SUGCT: variants seen among roughly 807,000 people sequenced by gnomAD.
SUGCT encodes the protein succinyl-CoA:glutarate CoA-transferase.
Under a neutral mutation model 55.0 loss-of-function variants are expected in SUGCT, and 41 were observed. That is an observed-to-expected ratio of 0.74 (90% CI 0.58 to 0.97). SUGCT has a LOEUF of 0.97. SUGCT is among the 50% of genes least tolerant of loss of function. The pLI is 0.00. For missense variants in SUGCT, 568 were observed against 547.8 expected (o/e 1.04, Z -0.37); for synonymous variants, 187 against 200.4 (o/e 0.93, Z 0.56).
chr7:40,974,213 A>G, the SUGCT span, among the ~76,000 whole-genome samples: 2 of 152,198 alleles, frequency 1.3e-5, no homozygotes, highest in African/African-American at 4.8e-5. Flanking sequence ...CCTTTGAGTG[A>G]CATCTGCCCT....
intron 12 of SUGCT, among the ~76,000 whole-genome samples, chr7:40,704,919 C>A (rs1785328420): frequency 6.6e-6 from 1 of 152,122 alleles, no homozygotes; most frequent in South Asian, 2.1e-4. Flanking sequence ...TGGTTTTTGG[C>A]CAAGCTGTCT....
intron 12 of SUGCT, among the ~76,000 whole-genome samples, chr7:40,520,059 A>G (rs1011852972): frequency 7.2e-5 from 11 of 152,104 alleles, no homozygotes; most frequent in African/African-American, 2.2e-4. Context: ...TCAAAGTTTG[A>G]AAGACTATGG....
chr7:40,533,752 G>A (rs140131472), intron 12 of SUGCT, among the ~76,000 whole-genome samples: 211 of 152,164 alleles, frequency 1.4e-3, no homozygotes, highest in African/African-American at 4.6e-3. Context: ...AACATCTAGT[G>A]TTTTAATAAC....
intron 13 of SUGCT, among the ~76,000 whole-genome samples, chr7:40,757,515 T>C (rs1788318155): frequency 6.6e-6 from 1 of 152,204 alleles, no homozygotes; most frequent in South Asian, 2.1e-4. Context: ...AAACTCTTAT[T>C]GCAAATCAGC....
the SUGCT span, among the ~76,000 whole-genome samples, chr7:40,928,057 T>C: frequency 6.6e-6 from 1 of 152,040 alleles, no homozygotes; most frequent in African/African-American, 2.4e-5. Context: ...CTTTATATTA[T>C]TTATTTTTTC....
intron 12 of SUGCT, among the ~76,000 whole-genome samples, chr7:40,688,542 A>AAT (rs1475068262): frequency 1.3e-5 from 2 of 152,032 alleles, no homozygotes; most frequent in Admixed American, 6.6e-5. Flanking sequence ...AGACCACTAA[A>AAT]ATATATATAT....
At chr7:40,841,639 C>T (rs192324642) in intron 13 of SUGCT, among the ~76,000 whole-genome samples, 78 of 152,216 alleles carry the variant, frequency 5.1e-4, no homozygotes, top group African/African-American at 1.7e-3. Flanking sequence ...GACATAGTTT[C>T]ATTTATTTAT....
At chr7:40,705,436 C>T (rs1785353378) in intron 12 of SUGCT, among the ~76,000 whole-genome samples, 1 of 152,066 alleles carries the variant, frequency 6.6e-6, no homozygotes, top group Non-Finnish European at 1.5e-5. Flanking sequence ...TTTTTTGGTT[C>T]ATCTGGAATT....
chr7:40,235,326 T>G (rs769115831), intron 6 of SUGCT, among the ~76,000 whole-genome samples: 1 of 152,054 alleles, frequency 6.6e-6, no homozygotes, highest in South Asian at 2.1e-4. Context: ...TGAAAAAAAT[T>G]TTTGTTATTT....
At chr7:40,846,515 T>C (rs1375708093) in intron 13 of SUGCT, among the ~76,000 whole-genome samples, 1 of 152,170 alleles carries the variant, frequency 6.6e-6, no homozygotes, top group Admixed American at 6.5e-5. Flanking sequence ...TTATGGGCCA[T>C]ATATTTTTCC....
chr7:40,824,927 G>C lies in SUGCT; in HGVS notation c.1154-35389G>C, dbSNP rs73689857. ...ATTAAATATCAGCATGAGTTTTAGAGGGGACAAACCTTCAAACCATTGCAG... is the reference window on the plus strand; with the variant it reads ...ATTAAATATCAGCATGAGTTTTAGACGGGACAAACCTTCAAACCATTGCAG... On this transcript the variant is annotated intron_variant, in intron 13 of 13. Transcript: ENST00000335693. Among the ~76,000 whole-genome samples, 1,075 of 152,290 alleles carry C rather than the reference G, an allele frequency of 7.1e-3. 14 individuals are homozygous for C. Among genetic ancestry groups the C allele is most frequent in the African/African-American group, 0.025 (1,031 of 41,560 alleles).
intron 3 of SUGCT, among the ~76,000 whole-genome samples, chr7:40,183,306 A>G (rs1675718874): frequency 6.6e-6 from 1 of 152,068 alleles, no homozygotes; most frequent in African/African-American, 2.4e-5. Context: ...AAAAACCTCA[A>G]ATACTCCAAC....
chr7:40,807,090 G>A (rs1791141540), intron 13 of SUGCT, among the ~76,000 whole-genome samples: 1 of 152,208 alleles, frequency 6.6e-6, no homozygotes, highest in Admixed American at 6.5e-5. Flanking sequence ...TAGCAGTAGT[G>A]TTAGTAGTGG....
At chr7:40,252,367 C>T (rs995007665) in intron 7 of SUGCT, among the ~76,000 whole-genome samples, 2 of 152,042 alleles carry the variant, frequency 1.3e-5, no homozygotes, top group African/African-American at 4.8e-5. Flanking sequence ...GATCTGCCTG[C>T]CTCAGCCTTC....
chr7:40,206,870 A>G (rs1477580493), intron 6 of SUGCT, among the ~76,000 whole-genome samples: 4 of 152,158 alleles, frequency 2.6e-5, no homozygotes, highest in African/African-American at 9.7e-5. Flanking sequence ...TGTGGAACCC[A>G]TGGATACAAA....
At chr7:40,232,574 TAAG>T (rs1381443112) in intron 6 of SUGCT, among the ~76,000 whole-genome samples, 1 of 152,014 alleles carries the variant, frequency 6.6e-6, no homozygotes, top group Non-Finnish European at 1.5e-5. Context: ...CAGACATAAT[TAAG>T]AAGAAAAATG....
chr7:40,318,060 C>T (rs1294103751), intron 9 of SUGCT, among the ~76,000 whole-genome samples: 1 of 152,196 alleles, frequency 6.6e-6, no homozygotes, highest in Non-Finnish European at 1.5e-5. Flanking sequence ...ATACTTCTAA[C>T]CAGACCTGCT....
chr7:40,553,751 C>A (rs1375880037), intron 12 of SUGCT, among the ~76,000 whole-genome samples: 1 of 152,246 alleles, frequency 6.6e-6, no homozygotes, highest in South Asian at 2.1e-4. Context: ...GGCTATGTTT[C>A]AAATGTTCTG....
chr7:40,528,028 C>T (rs969394362), intron 12 of SUGCT, among the ~76,000 whole-genome samples: 2 of 152,138 alleles, frequency 1.3e-5, no homozygotes, highest in Non-Finnish European at 2.9e-5. Context: ...TGCCTGAGTT[C>T]AAATTCTGAC....
Sources: gnomAD v4.1 joint callset for allele counts (sites outside exome capture counted in the v4.1 genomes callset) on GRCh38, gnomAD v4.1.1 for gene constraint, MANE v1.5 for transcripts, NCBI Gene and HGNC (gene_info 2026-07-23, HGNC 2026-07-21) for gene names.